The following COPS2 variants were observed in gnomAD, a reference collection of about 807,000 sequenced individuals.
COPS2 encodes the protein COP9 signalosome subunit 2.
Under a neutral mutation model 66.1 loss-of-function variants are expected in COPS2, and 10 were observed. That is an observed-to-expected ratio of 0.15 (90% CI 0.09 to 0.26). The LOEUF (loss-of-function observed/expected upper bound fraction) is 0.26. Among genes scored for constraint, COPS2 ranks in the 10% least tolerant of loss-of-function variants. The probability of loss-of-function intolerance (pLI) is 1.00; values close to 1 mark genes in which losing one functional copy is unlikely to be tolerated. For synonymous variants in COPS2, 179 were observed against 171.3 expected (o/e 1.04, Z -0.35); for missense variants, 215 against 513.3 (o/e 0.42, Z 5.62).
At chr15:49,131,135 C>A (rs2084205368) in intron 9 of COPS2, among the ~76,000 whole-genome samples, 1 of 152,014 alleles carries the variant, frequency 6.6e-6, no homozygotes, top group Admixed American at 6.6e-5. Flanking sequence ...AAACATTTAA[C>A]AACTATTTAA....
intron 1 of COPS2, among the ~76,000 whole-genome samples, chr15:49,153,341 A>G (rs1000875123): frequency 5.9e-5 from 9 of 152,098 alleles, no homozygotes; most frequent in African/African-American, 2.2e-4. Flanking sequence ...GGTCAATATC[A>G]CTACCAAGAA....
intron 9 of COPS2, among the ~76,000 whole-genome samples, chr15:49,131,473 C>A (rs535244535): frequency 6.6e-5 from 10 of 151,402 alleles, no homozygotes; most frequent in Admixed American, 2.0e-4. Flanking sequence ...GCTAAAGGTG[C>A]TGAGAAGGAA....
chr15:49,142,802 T>A (rs749451004), intron 3 of COPS2, among the ~76,000 whole-genome samples: 1 of 152,156 alleles, frequency 6.6e-6, no homozygotes, highest in Admixed American at 6.5e-5. Flanking sequence ...CTAGAATAAG[T>A]TATGAGTTCA....
Position 49,125,145 on chromosome 15 carries a change from C to T in COPS2, c.*2805G>A, listed in dbSNP as rs140687654. The stretch of plus-strand genomic sequence containing the variant: ...ACAGTATAGCTCATTTAAAATAGGC[C>T]TCACTTAAATATTAGGTTCTCAGTT... On this transcript the variant is annotated 3_prime_UTR_variant, in exon 13 of 13. Coordinates refer to ENST00000388901, the MANE Select transcript of COPS2 (RefSeq NM_004236.4). 9.2e-5 allele frequency: 14 copies of T among 152,060 alleles called. No individual in the cohort carries two copies. The highest frequency in any genetic ancestry group is 2.9e-4 in the African/African-American group (12 of 41,410). 9.4% of individuals were successfully genotyped at this position (152,060 alleles called of 1,614,324 possible).
In COPS2 at chr15:49,128,777, G is replaced by A. The variant is rs778751071; in HGVS notation, c.1129-17C>T. On this transcript the variant is annotated splice_polypyrimidine_tract_variant and intron_variant, in intron 11 of 12. Coordinates refer to ENST00000388901, the MANE Select transcript of COPS2 (RefSeq NM_004236.4). ...GTTTAACTCCTAAGACAAAAGACTTGTTATATACCAATTAACATTTTAAAG... is the reference window on the plus strand; with the variant it reads ...GTTTAACTCCTAAGACAAAAGACTTATTATATACCAATTAACATTTTAAAG... The A allele has an allele frequency of 1.3e-6, 2 of 1,541,516 alleles. No homozygotes were observed.
intron 1 of COPS2, among the ~76,000 whole-genome samples, chr15:49,151,837 T>G (rs908474861): frequency 2.0e-5 from 3 of 151,912 alleles, no homozygotes; most frequent in Non-Finnish European, 4.4e-5. Context: ...CAAGTTTGTT[T>G]TATTTTAGAT....
At chr15:49,144,455 T>A in intron 2 of COPS2, 151 bp from the exon 3 acceptor site, 1 of 557,580 alleles carries the variant, frequency 1.8e-6, no homozygotes, top group Non-Finnish European at 3.1e-6. Flanking sequence ...CATTTTTCAG[T>A]CTTTAAAAAA....
intron 10 of COPS2, among the ~76,000 whole-genome samples, chr15:49,129,937 T>A (rs2084196439): frequency 6.6e-6 from 1 of 152,198 alleles, no homozygotes; most frequent in African/African-American, 2.4e-5. Flanking sequence ...TTTTATATAA[T>A]GCTTTTACAA....
chr15:49,153,442 T>A (rs1201895672), intron 1 of COPS2, among the ~76,000 whole-genome samples: 1 of 152,176 alleles, frequency 6.6e-6, no homozygotes, highest in Non-Finnish European at 1.5e-5. Flanking sequence ...AACAGAACTC[T>A]TCTACACTTT....
intron 6 of COPS2, among the ~76,000 whole-genome samples, chr15:49,135,993 T>C (rs933524699): frequency 2.0e-5 from 3 of 152,200 alleles, no homozygotes; most frequent in African/African-American, 7.2e-5. Context: ...GAACTGAACC[T>C]CCAGTTGGTT....
At chr15:49,129,405 A>G in intron 11 of COPS2, 72 bp downstream of exon 11, 1 of 540,716 alleles carries the variant, frequency 1.8e-6, no homozygotes, top group Non-Finnish European at 3.0e-6. Context: ...AGTGACTCTT[A>G]AATGCAAGAC....
chr15:49,133,878 C>A (rs1194115822), intron 8 of COPS2, 52 bp downstream of exon 8: 19 of 1,540,648 alleles, frequency 1.2e-5, no homozygotes, highest in Non-Finnish European at 1.6e-5. Flanking sequence ...AAAGAAATAA[C>A]ATTTATTTCC....
chr15:49,134,115 A>C lies in COPS2; in HGVS notation c.716-7T>G. ...TGCATTTTACCACCACATTCTGTGAAGAATAAGACATGAGAAAATAGGACA... is the reference window on the plus strand; with the variant it reads ...TGCATTTTACCACCACATTCTGTGACGAATAAGACATGAGAAAATAGGACA... On this transcript the variant is annotated splice_region_variant and splice_polypyrimidine_tract_variant and intron_variant, in intron 7 of 12. Transcript: ENST00000388901. 6.3e-7 allele frequency: 1 copy of C among 1,599,478 alleles called. No individual in the cohort carries two copies. The highest frequency in any genetic ancestry group is 1.1e-5 in the South Asian group (1 of 88,666).
rs1020545405 is a variant in COPS2, at chr15:49,126,928, A to G, written c.*1022T>C. On this transcript the variant is annotated 3_prime_UTR_variant, in exon 13 of 13. Transcript: ENST00000388901. ...ACAAATTAACTTTGAATGCAATTCT[A>G]AAAGAGTAAACTCAGCAGGTTTTGG... 3 of 152,170 alleles carry G rather than the reference A, an allele frequency of 2.0e-5. No individual in the cohort carries two copies. Among genetic ancestry groups the G allele is most frequent in the Non-Finnish European group, 2.9e-5 (2 of 67,992 alleles). The allele number at this position is 152,170 out of a possible 1,614,324, so 9.4% of individuals were successfully genotyped here. A position where few individuals can be genotyped will look rare whatever the true frequency, so the allele number is the denominator to read the frequency against.
At chr15:49,133,224 G>C (rs1000471338) in intron 9 of COPS2, among the ~76,000 whole-genome samples, 1 of 152,156 alleles carries the variant, frequency 6.6e-6, no homozygotes, top group Non-Finnish European at 1.5e-5. Context: ...TCCTGATCTT[G>C]TGATCCACCC....
At chr15:49,131,188 T>G (rs1372934536) in intron 9 of COPS2, among the ~76,000 whole-genome samples, 1 of 152,142 alleles carries the variant, frequency 6.6e-6, no homozygotes, top group African/African-American at 2.4e-5. Context: ...AATTCCTAAT[T>G]GTTCATAATG....
chr15:49,126,554 G>C lies in COPS2; in HGVS notation c.*1396C>G, dbSNP rs989043923. 2.0e-4 allele frequency: 31 copies of C among 152,368 alleles called. No individual in the cohort carries two copies. The highest frequency in any genetic ancestry group is 3.5e-4 in the Non-Finnish European group (24 of 67,914). The allele number at this position is 152,368 out of a possible 1,614,324, so 9.4% of individuals were successfully genotyped here. ...GCAATAGAAAAACCAAAGAAATTAT[G>C]TTAATCCTAGTTCTTCCTTTCGACA... On this transcript the variant is annotated 3_prime_UTR_variant, in exon 13 of 13. Transcript: ENST00000388901.
At position 49,124,797 on chromosome 15, in the gene COPS2, A is replaced by G. The variant is rs1595817417; in HGVS notation, c.*3153T>C. The G allele has an allele frequency of 6.6e-6, 1 of 152,178 alleles. No homozygotes were observed. The highest frequency in any genetic ancestry group is 1.5e-5 in the Non-Finnish European group (1 of 68,024). The allele number at this position is 152,178 out of a possible 1,614,324, so 9.4% of individuals were successfully genotyped here. A position where few individuals can be genotyped will look rare whatever the true frequency, so the allele number is the denominator to read the frequency against. Reference sequence around the variant, plus strand: ...ATCAAAAGAGAAATTTTCAGGTTTAAAAGTGACTAAAATAATATTTTAAAA... The same window carrying G: ...ATCAAAAGAGAAATTTTCAGGTTTAGAAGTGACTAAAATAATATTTTAAAA... On this transcript the variant is annotated 3_prime_UTR_variant, in exon 13 of 13. Coordinates refer to ENST00000388901, the MANE Select transcript of COPS2 (RefSeq NM_004236.4).
At chr15:49,145,475 T>C (rs887000828) in intron 1 of COPS2, among the ~76,000 whole-genome samples, 1 of 152,156 alleles carries the variant, frequency 6.6e-6, no homozygotes, top group Non-Finnish European at 1.5e-5. Flanking sequence ...TTTGGTTCTG[T>C]AATCTAATTT....
Sources: gnomAD v4.1 joint callset for allele counts (sites outside exome capture counted in the v4.1 genomes callset) on GRCh38, gnomAD v4.1.1 for gene constraint, MANE v1.5 for transcripts, NCBI Gene and HGNC (gene_info 2026-07-23, HGNC 2026-07-21) for gene names.